The following LTBP1 variants were observed in gnomAD, a reference collection of about 807,000 sequenced individuals.
LTBP1 encodes latent-transforming growth factor beta-binding protein 1.
Under a neutral mutation model 207.6 loss-of-function variants are expected in LTBP1, and 129 were observed. The ratio of observed to expected loss-of-function variants is 0.62; its 90% confidence interval spans 0.54 to 0.72. LTBP1 has a LOEUF of 0.72. Ranked by LOEUF, LTBP1 falls within the 30% of genes least tolerant of loss-of-function variation. The pLI is 0.00. For synonymous variants in LTBP1, 963 were observed against 833.7 expected, an observed-to-expected ratio of 1.16 and a Z score of -2.67; for missense variants, 2,281 against 2,217.2, an observed-to-expected ratio of 1.03 and a Z score of -0.58.
At chr2:33,022,997 G>A (rs550114883) in intron 3 of LTBP1, among the ~76,000 whole-genome samples, 1 of 152,102 alleles carries the variant, frequency 6.6e-6, no homozygotes, top group Admixed American at 6.5e-5. Context: ...ATGAACTGTA[G>A]TTTGCTAACT....
At chr2:33,062,500 A>AT (rs999600787) in intron 3 of LTBP1, among the ~76,000 whole-genome samples, 2 of 151,586 alleles carry the variant, frequency 1.3e-5, no homozygotes, top group African/African-American at 4.9e-5. Context: ...AGGATGCTTC[A>AT]TTTTTTTTCT....
chr2:33,275,010 G>A lies in LTBP1; in HGVS notation c.2789G>A (p.Arg930His), dbSNP rs368736095. The A allele has an allele frequency of 8.5e-5, 137 of 1,613,876 alleles. No homozygotes were observed. Among genetic ancestry groups the A allele is most frequent in the African/African-American group, 3.3e-4 (25 of 74,916 alleles). Residue 930 changes from arginine to histidine, a missense_variant, in exon 17 of 34, where the codon CGC (arginine) becomes CAC (histidine). Around this residue, in one of 3 missense-constraint regions of LTBP1, gnomAD observed 1,671 missense variants for 1,634.8 expected, o/e 1.02. Coordinates refer to ENST00000404816, the MANE Select transcript of LTBP1 (RefSeq NM_206943.4). ...GTCCAACACCTCTGCTCCCAGGGCC[G>A]CTGTGAAAACACCGAGGGAAGTTTC... is the stretch of plus-strand genomic sequence containing the variant. ...TQVQHLCSQGRCENTEGSFLC... is the reference protein window; with the variant it reads ...TQVQHLCSQGHCENTEGSFLC...
intron 5 of LTBP1, among the ~76,000 whole-genome samples, chr2:33,175,783 A>G (rs958872624): frequency 7.9e-5 from 12 of 151,822 alleles, no homozygotes; most frequent in Non-Finnish European, 1.5e-4. Context: ...GACTGGATTA[A>G]GAAAATGTGG....
intron 5 of LTBP1, among the ~76,000 whole-genome samples, chr2:33,165,367 A>G (rs1342811124): frequency 2.0e-5 from 3 of 152,252 alleles, no homozygotes; most frequent in Admixed American, 6.5e-5. Context: ...CTTAGCTACA[A>G]TTGGCATCTG....
intron 11 of LTBP1, among the ~76,000 whole-genome samples, chr2:33,255,921 G>A (rs1264472439): frequency 6.6e-6 from 1 of 152,018 alleles, no homozygotes; most frequent in Non-Finnish European, 1.5e-5. Flanking sequence ...TCTACATTTG[G>A]TAATTTGCCT....
chr2:33,006,489 T>C (rs1262997901), intron 2 of LTBP1, among the ~76,000 whole-genome samples: 1 of 151,196 alleles, frequency 6.6e-6, no homozygotes, highest in African/African-American at 2.4e-5. Flanking sequence ...TTCAAGTGAT[T>C]CTCCTGCTTC....
intron 11 of LTBP1, among the ~76,000 whole-genome samples, chr2:33,256,735 T>C (rs796767348): frequency 4.2e-4 from 6 of 14,150 alleles, no homozygotes; most frequent in Admixed American, 8.8e-4. Context: ...TATATATATA[T>C]ATATATATAT....
intron 24 of LTBP1, among the ~76,000 whole-genome samples, chr2:33,327,941 C>A (rs2094447689): frequency 6.6e-6 from 1 of 151,622 alleles, no homozygotes; most frequent in African/African-American, 2.4e-5. Flanking sequence ...TTCGAGACCA[C>A]CCTGACCAAC....
At chr2:33,232,809 T>C (rs1260326354) in intron 9 of LTBP1, among the ~76,000 whole-genome samples, 1 of 152,194 alleles carries the variant, frequency 6.6e-6, no homozygotes, top group African/African-American at 2.4e-5. Flanking sequence ...GTATATACTT[T>C]ATGTGTCTGA....
In LTBP1 at chr2:33,153,083, G is replaced by T. The variant is rs1572881681; in HGVS notation, c.1201+18123G>T. Among the ~76,000 whole-genome samples the T allele has an allele frequency of 3.9e-5, 6 of 152,214 alleles. No homozygotes were observed. In the South Asian group the frequency reaches 1.0e-3, roughly 26 times the overall value. The stretch of plus-strand genomic sequence containing the variant: ...AATGCTAGAGTGTAAATGAGATGAG[G>T]CTCTCTTTGTGATGTTTTACTCTGA... On this transcript the variant is annotated intron_variant, in intron 5 of 33. Coordinates refer to ENST00000404816, the MANE Select transcript of LTBP1 (RefSeq NM_206943.4).
intron 19 of LTBP1, among the ~76,000 whole-genome samples, chr2:33,281,202 C>T (rs1324076184): frequency 6.6e-6 from 1 of 152,146 alleles, no homozygotes; most frequent in African/African-American, 2.4e-5. Flanking sequence ...GACTGACATG[C>T]ACTCAAACAT....
At chr2:32,978,051 A>G (rs6723744) in intron 2 of LTBP1, among the ~76,000 whole-genome samples, 23,095 of 152,132 alleles carry the variant, frequency 0.15, 2,106 homozygotes, top group Non-Finnish European at 0.21. Context: ...ACTGATTTCC[A>G]TATGTTGATT....
At chr2:33,076,697 G>A (rs1020421808) in intron 3 of LTBP1, among the ~76,000 whole-genome samples, 22 of 151,928 alleles carry the variant, frequency 1.4e-4, no homozygotes, top group African/African-American at 4.6e-4. Flanking sequence ...CCACCACGCC[G>A]AGCTAGTTTT....
intron 9 of LTBP1, among the ~76,000 whole-genome samples, chr2:33,239,235 C>T (rs2092200315): frequency 6.6e-6 from 1 of 152,176 alleles, no homozygotes; most frequent in African/African-American, 2.4e-5. Flanking sequence ...ATGGATTTTG[C>T]CTACTCCAGA....
At chr2:32,984,807 T>G (rs910660177) in intron 2 of LTBP1, among the ~76,000 whole-genome samples, 1 of 150,298 alleles carries the variant, frequency 6.7e-6, no homozygotes, top group African/African-American at 2.4e-5. Flanking sequence ...GGCGCACGCC[T>G]GTAATCCCAG....
intron 2 of LTBP1, among the ~76,000 whole-genome samples, chr2:32,975,946 T>C (rs1261516651): frequency 6.6e-6 from 1 of 152,158 alleles, no homozygotes; most frequent in East Asian, 1.9e-4. Flanking sequence ...CTGGGGAACT[T>C]GTGTGGTTGT....
chr2:33,315,702 C>T (rs1244781968), intron 24 of LTBP1, among the ~76,000 whole-genome samples: 1 of 152,136 alleles, frequency 6.6e-6, no homozygotes, highest in African/African-American at 2.4e-5. Flanking sequence ...TTTGGAGGCC[C>T]AGGCAGGTGG....
At chr2:32,969,890 A>G (rs114423169) in intron 2 of LTBP1, among the ~76,000 whole-genome samples, 7,528 of 152,240 alleles carry the variant, frequency 0.049, 482 homozygotes, top group East Asian at 0.24. Context: ...TCCCACCTAC[A>G]GTGTATAAAC....
chr2:33,016,576 G>A (rs1436172260), intron 2 of LTBP1, among the ~76,000 whole-genome samples: 3 of 152,044 alleles, frequency 2.0e-5, no homozygotes, highest in Non-Finnish European at 4.4e-5. Context: ...TGATTCTAAT[G>A]TACAGCCAAG....
Sources: allele counts gnomAD v4.1 joint callset (sites outside exome capture counted in the v4.1 genomes callset), GRCh38; gene constraint gnomAD v4.1.1; regional missense constraint gnomAD v4.1.1; transcripts MANE v1.5; gene names NCBI Gene and HGNC (gene_info 2026-07-23, HGNC 2026-07-21).